The following CDC42 variants were observed in gnomAD, a reference collection of about 807,000 sequenced individuals.
The protein encoded by CDC42 is cell division cycle 42, also known as cell division control protein 42 homolog.
A neutral mutation model predicts 20.8 loss-of-function variants in CDC42; 1 was observed. The ratio of observed to expected loss-of-function variants is 0.05; its 90% CI spans 0.02 to 0.23. The LOEUF (loss-of-function observed/expected upper bound fraction) is 0.23. Among genes scored for constraint, CDC42 ranks in the 10% least tolerant of loss-of-function variants. CDC42 has a pLI of 1.00. For synonymous variants in CDC42, 72 were observed against 84.8 expected (o/e 0.85, Z 0.83); for missense variants, 49 against 227.9 (o/e 0.21, Z 5.05).
At chr1:22,067,473 C>T (rs967612598) in intron 1 of CDC42, among the ~76,000 whole-genome samples, 1 of 152,134 alleles carries the variant, frequency 6.6e-6, no homozygotes. Context: ...AAGCGATCCT[C>T]CTGAGTAGCT....
chr1:22,081,897 C>A (rs886372726), intron 3 of CDC42, 103 bp downstream of exon 3: 11 of 737,798 alleles, frequency 1.5e-5, no homozygotes, highest in Non-Finnish European at 2.3e-5. Flanking sequence ...AAAGTACTTG[C>A]CTTTTGTTAT....
chr1:22,078,181 T>A (rs1645571697), intron 1 of CDC42, among the ~76,000 whole-genome samples: 1 of 152,220 alleles, frequency 6.6e-6, no homozygotes, highest in Admixed American at 6.5e-5. Flanking sequence ...TCGCTGATTA[T>A]CACACCACTT....
chr1:22,065,560 A>G (rs769626343), intron 1 of CDC42, among the ~76,000 whole-genome samples: 18 of 152,150 alleles, frequency 1.2e-4, no homozygotes, highest in Non-Finnish European at 2.2e-4. Context: ...GTGCCATATT[A>G]GGTATTTACT....
intron 2 of CDC42, 190 bp downstream of exon 2, chr1:22,078,773 G>A: frequency 1.4e-6 from 2 of 1,477,638 alleles, no homozygotes; most frequent in Non-Finnish European, 1.8e-6. Context: ...AAGTCAGAAG[G>A]GGTGACACAG....
intron 1 of CDC42, among the ~76,000 whole-genome samples, chr1:22,074,430 C>T (rs1038831065): frequency 6.6e-6 from 1 of 152,112 alleles, no homozygotes; most frequent in Non-Finnish European, 1.5e-5. Context: ...GGCCTCTTTG[C>T]TGCCGTAGTG....
At position 22,092,655 on chromosome 1, in the gene CDC42, C is replaced by T. The variant is rs1645729594; in HGVS notation, c.*1138C>T. The T allele has an allele frequency of 6.6e-6, 1 of 152,506 alleles. No individual in the cohort carries two copies. The highest frequency in any genetic ancestry group is 2.4e-5 in the African/African-American group (1 of 41,382). 9.4% of individuals were successfully genotyped at this position (152,506 alleles called of 1,614,324 possible). On this transcript the variant is annotated 3_prime_UTR_variant, in exon 6 of 6. Transcript: ENST00000656825. ...CATGGGGACCAGTCAGGGGAATCCC[C>T]TTATTTCTGTTTTGCATATGAGGAA... is the stretch of plus-strand genomic sequence containing the variant.
rs904560373 is a variant in CDC42, at chr1:22,095,638, AT to A, written c.*4125del. Among the ~76,000 whole-genome samples, 2 of 152,152 alleles carry A rather than the reference AT, an allele frequency of 1.3e-5. No individual in the cohort carries two copies. Among genetic ancestry groups the A allele is most frequent in the Non-Finnish European group, 2.9e-5 (2 of 68,028 alleles). On this transcript the variant is annotated 3_prime_UTR_variant, in exon 6 of 6. Transcript: ENST00000656825. ...GCCTCCACCTTAAAAAAAATTCCTTATTTTATTCACTTGCCAGAATAATGTT... is the reference window on the plus strand; with the variant it reads ...GCCTCCACCTTAAAAAAAATTCCTTATTTATTCACTTGCCAGAATAATGTT...
intron 1 of CDC42, among the ~76,000 whole-genome samples, chr1:22,062,585 C>G (rs1373635485): frequency 6.6e-6 from 1 of 151,842 alleles, no homozygotes; most frequent in African/African-American, 2.4e-5. Context: ...GTTGCCTGAT[C>G]TTAAGAGTTT....
chr1:22,066,949 G>A (rs1645430589), intron 1 of CDC42, among the ~76,000 whole-genome samples: 1 of 152,178 alleles, frequency 6.6e-6, no homozygotes, highest in African/African-American at 2.4e-5. Context: ...TGTAATTCCA[G>A]CTACTCAGGA....
intron 3 of CDC42, among the ~76,000 whole-genome samples, chr1:22,085,047 C>T (rs1239883171): frequency 6.6e-6 from 1 of 151,956 alleles, no homozygotes; most frequent in African/African-American, 2.4e-5. Flanking sequence ...GCCTGGCCAA[C>T]ATGGTGAAAC....
intron 1 of CDC42, among the ~76,000 whole-genome samples, chr1:22,057,715 T>C (rs978269582): frequency 7.9e-5 from 12 of 151,404 alleles, no homozygotes; most frequent in Non-Finnish European, 1.8e-4. Context: ...TGGAGATTGC[T>C]TTACCTTTTT....
At chr1:22,077,543 G>C (rs1645564893) in intron 1 of CDC42, among the ~76,000 whole-genome samples, 1 of 152,044 alleles carries the variant, frequency 6.6e-6, no homozygotes, top group South Asian at 2.1e-4. Flanking sequence ...ATTGGGTGGT[G>C]TTTCTTTTTA....
At chr1:22,083,986 T>G (rs1217421745) in intron 3 of CDC42, among the ~76,000 whole-genome samples, 1 of 152,230 alleles carries the variant, frequency 6.6e-6, no homozygotes, top group African/African-American at 2.4e-5. Context: ...TTGTTTCTTT[T>G]GATTGCCGAG....
chr1:22,062,530 G>A (rs1410442304), intron 1 of CDC42, among the ~76,000 whole-genome samples: 1 of 151,936 alleles, frequency 6.6e-6, no homozygotes, highest in African/African-American at 2.4e-5. Flanking sequence ...ACTCTGTGCT[G>A]ATTCTGAAAA....
At chr1:22,081,353 T>C (rs1307210126) in intron 2 of CDC42, among the ~76,000 whole-genome samples, 2 of 152,208 alleles carry the variant, frequency 1.3e-5, no homozygotes, top group Non-Finnish European at 2.9e-5. Context: ...AAATGGTCTA[T>C]GAAGAAGTAG....
chr1:22,094,181 G>T lies in CDC42; in HGVS notation c.*2664G>T, dbSNP rs1645740314. 6.6e-6 allele frequency among the ~76,000 whole-genome samples: 1 copy of T among 151,480 alleles called. No homozygotes were observed. Among genetic ancestry groups the T allele is most frequent in the Admixed American group, 6.6e-5 (1 of 15,222 alleles). On this transcript the variant is annotated 3_prime_UTR_variant, in exon 6 of 6. Transcript: ENST00000656825. ...GAGTATGATTTAGAGGCTGGAAAGG[G>T]TTATTGAAAATAGTCCTTACAGGCT...
chr1:22,080,037 A>G (rs1004167013), intron 2 of CDC42, among the ~76,000 whole-genome samples: 1 of 152,220 alleles, frequency 6.6e-6, no homozygotes, highest in Non-Finnish European at 1.5e-5. Context: ...GATTTGGTGT[A>G]GAATGCATTT....
At position 22,095,949 on chromosome 1, in the gene CDC42, A is replaced by T. The variant is rs1487081150; in HGVS notation, c.*4432A>T. On this transcript the variant is annotated 3_prime_UTR_variant, in exon 6 of 6. Transcript: ENST00000656825. ...GCTATTCATTCATTTTTTTAAAAAA[A>T]TTTATTTATTTATTTATTTATTTAT... 2.2e-5 allele frequency among the ~76,000 whole-genome samples: 3 copies of T among 139,518 alleles called. No homozygotes were observed. Among genetic ancestry groups the T allele is most frequent in the Non-Finnish European group, 4.6e-5 (3 of 65,198 alleles). 91.5% of individuals were successfully genotyped at this position (139,518 alleles called of 152,430 possible).
chr1:22,057,985 C>T (rs1219586748), intron 1 of CDC42, among the ~76,000 whole-genome samples: 4 of 152,182 alleles, frequency 2.6e-5, no homozygotes, highest in African/African-American at 7.2e-5. Context: ...CCTCGGCCTC[C>T]CAAAGTGCTG....
Sources: gnomAD v4.1 joint callset for allele counts (sites outside exome capture counted in the v4.1 genomes callset) on GRCh38, gnomAD v4.1.1 for gene constraint, MANE v1.5 for transcripts, NCBI Gene and HGNC (gene_info 2026-07-23, HGNC 2026-07-21) for gene names.